The following SGIP1 variants were observed in gnomAD, a reference collection of about 807,000 sequenced individuals.
SGIP1 encodes SH3-containing GRB2-like protein 3-interacting protein 1.
A neutral mutation model predicts 107.5 loss-of-function variants in SGIP1; 38 were observed. That is an observed-to-expected ratio of 0.35 (90% confidence interval 0.27 to 0.46). The LOEUF (loss-of-function observed/expected upper bound fraction) is 0.46, where lower values mean the gene tolerates loss of function less well. Ranked by LOEUF, SGIP1 falls within the 20% of genes least tolerant of loss-of-function variation. SGIP1 has a pLI of 1.00. For missense variants in SGIP1, 929 were observed against 1,019.5 expected (o/e 0.91, Z 1.21); for synonymous variants, 365 against 366.1 (o/e 1.00, Z 0.03).
rs200868062 is a variant in SGIP1, at chr1:66,679,756, C to T, written c.814+4C>T. 99 of 1,591,104 alleles carry T rather than the reference C, an allele frequency of 6.2e-5. No homozygotes were observed. The highest frequency in any genetic ancestry group is 1.7e-4 in the Middle Eastern group (1 of 6,022). ...TCCCCCTTAACAATTGGACCAGGTA[C>T]GCTTTTGTTTTTTCAGTTCTGGGAT... On this transcript the variant is annotated splice_donor_region_variant and intron_variant, in intron 14 of 24. Coordinates refer to ENST00000371037, the MANE Select transcript of SGIP1 (RefSeq NM_032291.4).
intron 7 of SGIP1, among the ~76,000 whole-genome samples, chr1:66,658,093 AG>A (rs1466697969): frequency 6.6e-6 from 1 of 152,250 alleles, no homozygotes; most frequent in African/African-American, 2.4e-5. Context: ...AGAGGAGGGG[AG>A]GGGTAACCTT....
intron 1 of SGIP1, chr1:66,616,077 A>G (rs2069229407): frequency 6.6e-6 from 1 of 152,178 alleles, no homozygotes; most frequent in South Asian, 2.1e-4. Flanking sequence ...GGCTTCATCA[A>G]TGCTGTATTT....
Position 66,695,429 on chromosome 1 carries a change from T to C in SGIP1, c.1571-5T>C, listed in dbSNP as rs568448899. ...CCCATCCCGCTTCAACTCCTGGCCA[T>C]ACAGAGAATGAACAGCCTTCCCTCG... is the stretch of plus-strand genomic sequence containing the variant. On this transcript the variant is annotated splice_region_variant and splice_polypyrimidine_tract_variant and intron_variant, in intron 17 of 24. Coordinates refer to ENST00000371037, the MANE Select transcript of SGIP1 (RefSeq NM_032291.4). The C allele has an allele frequency of 4.3e-6, 7 of 1,611,550 alleles. No homozygotes were observed. In the East Asian group the frequency reaches 8.9e-5, roughly 21 times the overall value.
At chr1:66,683,704 T>C (rs1385193498) in intron 15 of SGIP1, among the ~76,000 whole-genome samples, 1 of 76,658 alleles carries the variant, frequency 1.3e-5, no homozygotes, top group Non-Finnish European at 2.4e-5. Flanking sequence ...TCTTTTCTTT[T>C]TTTTTTTTTT....
At chr1:66,547,826 G>A (rs777371238) in intron 1 of SGIP1, among the ~76,000 whole-genome samples, 2 of 152,092 alleles carry the variant, frequency 1.3e-5, no homozygotes, top group South Asian at 2.1e-4. Context: ...GAGGGGTGGC[G>A]GTGAAGGCTA....
chr1:66,641,628 A>C (rs2076815936), intron 5 of SGIP1, among the ~76,000 whole-genome samples: 1 of 152,164 alleles, frequency 6.6e-6, no homozygotes, highest in African/African-American at 2.4e-5. Context: ...GATAAATGGG[A>C]TAATTCTTTT....
chr1:66,534,445 A>T (rs547073279), intron 1 of SGIP1, 77 bp downstream of exon 1: 9 of 1,539,640 alleles, frequency 5.8e-6, no homozygotes, highest in Non-Finnish European at 8.1e-6. Context: ...ATGTGCAGCC[A>T]GTGTATGTGG....
At chr1:66,723,436 C>T (rs2093628814) in intron 19 of SGIP1, among the ~76,000 whole-genome samples, 2 of 152,158 alleles carry the variant, frequency 1.3e-5, no homozygotes, top group Admixed American at 1.3e-4. Flanking sequence ...GCAGCAAATT[C>T]CTTACCTTTG....
At chr1:66,631,259 AAT>A (rs1372105793) in intron 2 of SGIP1, among the ~76,000 whole-genome samples, 1 of 152,086 alleles carries the variant, frequency 6.6e-6, no homozygotes, top group Non-Finnish European at 1.5e-5. Context: ...CTCTGAGATT[AAT>A]ATGTTTTCAT....
At chr1:66,722,706 AC>A (rs1387112629) in intron 19 of SGIP1, among the ~76,000 whole-genome samples, 1 of 152,194 alleles carries the variant, frequency 6.6e-6, no homozygotes, top group East Asian at 1.9e-4. Context: ...GCCGTTATTA[AC>A]GTATTTTTTA....
chr1:66,696,883 C>T (rs150733939), intron 18 of SGIP1, among the ~76,000 whole-genome samples: 3 of 152,308 alleles, frequency 2.0e-5, no homozygotes, highest in Admixed American at 6.5e-5. Context: ...GTATTTTTTA[C>T]TAATCAGCAT....
intron 18 of SGIP1, among the ~76,000 whole-genome samples, chr1:66,711,443 A>G (rs2092911368): frequency 1.3e-5 from 2 of 152,174 alleles, no homozygotes; most frequent in Admixed American, 1.3e-4. Context: ...TCCCTTTGTC[A>G]CTGCATTATG....
At chr1:66,665,757 C>T (rs930195550) in intron 8 of SGIP1, 2 of 152,216 alleles carry the variant, frequency 1.3e-5, no homozygotes, top group African/African-American at 2.4e-5. Flanking sequence ...CTATTGGCTG[C>T]ATAAATGTCT....
chr1:66,671,488 C>T (rs1195296282), intron 10 of SGIP1, among the ~76,000 whole-genome samples: 2 of 152,012 alleles, frequency 1.3e-5, no homozygotes, highest in East Asian at 3.9e-4. Context: ...ACAACACTTC[C>T]TAGGAAATTC....
At chr1:66,691,272 A>C (rs2089784730) in intron 17 of SGIP1, among the ~76,000 whole-genome samples, 1 of 152,156 alleles carries the variant, frequency 6.6e-6, no homozygotes, top group Non-Finnish European at 1.5e-5. Flanking sequence ...TCGGAAGAGC[A>C]GTCTGCCCAG....
intron 14 of SGIP1, among the ~76,000 whole-genome samples, chr1:66,680,019 G>GA (rs954063032): frequency 2.0e-5 from 3 of 152,088 alleles, no homozygotes; most frequent in Non-Finnish European, 4.4e-5. Context: ...AACACGAAAT[G>GA]AAAAAAATCT....
At chr1:66,691,030 C>G (rs2089719839) in intron 17 of SGIP1, among the ~76,000 whole-genome samples, 2 of 152,308 alleles carry the variant, frequency 1.3e-5, no homozygotes, top group Non-Finnish European at 2.9e-5. Flanking sequence ...TGGTCTCTCT[C>G]TTTTTCCACC....
chr1:66,631,945 A>G (rs899689092), intron 2 of SGIP1, among the ~76,000 whole-genome samples: 1 of 152,138 alleles, frequency 6.6e-6, no homozygotes, highest in Non-Finnish European at 1.5e-5. Context: ...GGAGGTTATA[A>G]AATTACTGTG....
At chr1:66,627,607 A>G (rs1430966927) in intron 2 of SGIP1, among the ~76,000 whole-genome samples, 1 of 152,102 alleles carries the variant, frequency 6.6e-6, no homozygotes, top group African/African-American at 2.4e-5. Flanking sequence ...TTAAGTTCTT[A>G]TATTTTCTTT....
Sources: gnomAD v4.1 joint callset for allele counts (sites outside exome capture counted in the v4.1 genomes callset) on GRCh38, gnomAD v4.1.1 for gene constraint, MANE v1.5 for transcripts, NCBI Gene and HGNC (gene_info 2026-07-23, HGNC 2026-07-21) for gene names.